Variants in KIF26B observed in about 807,000 individuals in gnomAD.
KIF26B encodes the protein kinesin-like protein KIF26B.
Under a neutral mutation model 151.2 loss-of-function variants are expected in KIF26B, and 63 were observed. That is an observed-to-expected ratio of 0.42 (90% CI 0.34 to 0.51). KIF26B has a LOEUF of 0.51. Among genes scored for constraint, KIF26B ranks in the 20% least tolerant of loss-of-function variants. The probability of loss-of-function intolerance (pLI) is 0.07; values close to 1 mark genes in which losing one functional copy is unlikely to be tolerated. For synonymous variants in KIF26B, 1,357 were observed against 1,262.1 expected, an observed-to-expected ratio of 1.08 and a Z score of -1.59; for missense variants, 2,813 against 2,913.6, an observed-to-expected ratio of 0.97 and a Z score of 0.79.
chr1:245,198,754 A>G (rs942877209), intron 2 of KIF26B, among the ~76,000 whole-genome samples: 6 of 151,720 alleles, frequency 4.0e-5, no homozygotes, highest in Non-Finnish European at 7.4e-5. Flanking sequence ...GTGAGTGCTC[A>G]GTAAATGTTG....
chr1:245,354,984 G>A (rs1323147814), intron 2 of KIF26B, among the ~76,000 whole-genome samples: 1 of 152,238 alleles, frequency 6.6e-6, no homozygotes, highest in Non-Finnish European at 1.5e-5. Flanking sequence ...GCACTGGCGC[G>A]ATCTCGGCTC....
intron 2 of KIF26B, among the ~76,000 whole-genome samples, chr1:245,365,143 G>A (rs963946275): frequency 2.0e-5 from 3 of 152,192 alleles, no homozygotes; most frequent in Admixed American, 6.5e-5. Flanking sequence ...CTAAGGGGCC[G>A]TTTCAGGTCC....
chr1:245,198,096 ATACTCGTTGAGGGCT>A (rs1216825519), intron 2 of KIF26B, among the ~76,000 whole-genome samples: 28 of 152,262 alleles, frequency 1.8e-4, no homozygotes, highest in African/African-American at 6.3e-4. Context: ...TTTGCAGCAG[ATACTCGTTGAGGGCT>A]TACTATGCTG....
At chr1:245,497,021 C>T (rs765708449) in intron 4 of KIF26B, among the ~76,000 whole-genome samples, 2 of 151,866 alleles carry the variant, frequency 1.3e-5, no homozygotes, top group South Asian at 2.1e-4. Context: ...GGTGTGGTGG[C>T]GCATGTCTGT....
At chr1:245,314,560 G>A (rs1022358915) in intron 2 of KIF26B, among the ~76,000 whole-genome samples, 5 of 152,206 alleles carry the variant, frequency 3.3e-5, no homozygotes, top group African/African-American at 9.6e-5. Context: ...ATGAATGGTC[G>A]TGTGAATGGA....
At chr1:245,576,876 G>T (rs115540313) in intron 5 of KIF26B, among the ~76,000 whole-genome samples, 1 of 152,190 alleles carries the variant, frequency 6.6e-6, no homozygotes, top group Non-Finnish European at 1.5e-5. Context: ...ATGCCTTGTT[G>T]GATACCTTGT....
At chr1:245,630,524 T>C (rs549253713) in intron 9 of KIF26B, among the ~76,000 whole-genome samples, 2 of 151,112 alleles carry the variant, frequency 1.3e-5, no homozygotes, top group African/African-American at 2.4e-5. Flanking sequence ...TAAGCGGGAG[T>C]TGAACAATGA....
chr1:245,588,250 A>G (rs1292029561), intron 5 of KIF26B, among the ~76,000 whole-genome samples: 1 of 152,130 alleles, frequency 6.6e-6, no homozygotes, highest in Non-Finnish European at 1.5e-5. Flanking sequence ...CCCCCATCTG[A>G]TCTTCCATAT....
intron 2 of KIF26B, among the ~76,000 whole-genome samples, chr1:245,343,362 T>A (rs909278796): frequency 6.7e-6 from 1 of 150,268 alleles, no homozygotes; most frequent in Admixed American, 7.0e-5. Flanking sequence ...TTCCATGCAA[T>A]CTTTTTTTTT....
intron 4 of KIF26B, among the ~76,000 whole-genome samples, chr1:245,492,539 G>T (rs1660429467): frequency 6.6e-6 from 1 of 152,192 alleles, no homozygotes; most frequent in African/African-American, 2.4e-5. Flanking sequence ...TAGTTCACAT[G>T]ATATTTTTAA....
intron 3 of KIF26B, among the ~76,000 whole-genome samples, chr1:245,385,952 G>C (rs1673532735): frequency 6.6e-6 from 1 of 152,188 alleles, no homozygotes; most frequent in East Asian, 1.9e-4. Context: ...TCTGGTTTCT[G>C]TGCCAGGTGT....
At chr1:245,497,291 C>CA (rs959611407) in intron 4 of KIF26B, among the ~76,000 whole-genome samples, 32 of 151,938 alleles carry the variant, frequency 2.1e-4, no homozygotes, top group Middle Eastern at 3.2e-3. Flanking sequence ...AACAGGCAGA[C>CA]AAAAAATCAG....
At chr1:245,446,139 G>A (rs144873528) in intron 4 of KIF26B, among the ~76,000 whole-genome samples, 20 of 152,230 alleles carry the variant, frequency 1.3e-4, no homozygotes, top group Admixed American at 9.8e-4. Flanking sequence ...ATGATGTAGC[G>A]TATTCATTCT....
chr1:245,454,496 T>C (rs1435638689), intron 4 of KIF26B, among the ~76,000 whole-genome samples: 1 of 152,174 alleles, frequency 6.6e-6, no homozygotes, highest in Non-Finnish European at 1.5e-5. Flanking sequence ...CAGGTTTTCT[T>C]CCCTTTGTCT....
At chr1:245,427,510 A>C (rs922408011) in intron 4 of KIF26B, among the ~76,000 whole-genome samples, 3 of 152,194 alleles carry the variant, frequency 2.0e-5, no homozygotes, top group African/African-American at 7.2e-5. Flanking sequence ...TGGGAGGCTG[A>C]GGCAGGAGAA....
intron 2 of KIF26B, among the ~76,000 whole-genome samples, chr1:245,337,316 C>A (rs1361093105): frequency 6.6e-6 from 1 of 151,786 alleles, no homozygotes; most frequent in Admixed American, 6.6e-5. Context: ...GGATTACAGG[C>A]ACCCCCAACC....
At chr1:245,324,457 T>C (rs552698638) in intron 2 of KIF26B, among the ~76,000 whole-genome samples, 1 of 152,288 alleles carries the variant, frequency 6.6e-6, no homozygotes, top group South Asian at 2.1e-4. Flanking sequence ...ATGAAATTCA[T>C]GGAAATGCTC....
At chr1:245,590,977 T>C (rs2043283079) in intron 5 of KIF26B, among the ~76,000 whole-genome samples, 3 of 149,794 alleles carry the variant, frequency 2.0e-5, no homozygotes, top group Admixed American at 6.6e-5. Flanking sequence ...GCTCTGTGAG[T>C]GTAGGATGAT....
chr1:245,350,775 C>T (rs1024761184), intron 2 of KIF26B, among the ~76,000 whole-genome samples: 1 of 152,180 alleles, frequency 6.6e-6, no homozygotes, highest in Non-Finnish European at 1.5e-5. Context: ...CGAGAGGGGA[C>T]ATCTCTTCTC....
Sources: allele counts gnomAD v4.1 joint callset (sites outside exome capture counted in the v4.1 genomes callset), GRCh38; gene constraint gnomAD v4.1.1; transcripts MANE v1.5; gene names NCBI Gene and HGNC (gene_info 2026-07-23, HGNC 2026-07-21).